COL18A1: variants seen among roughly 807,000 people sequenced by gnomAD.
COL18A1 encodes the protein collagen alpha-1(XVIII) chain.
A neutral mutation model predicts 168.0 loss-of-function variants in COL18A1; 133 were observed. The observed-to-expected ratio is 0.79, with a 90% confidence interval of 0.69 to 0.91. The LOEUF (loss-of-function observed/expected upper bound fraction) is 0.91. Ranked by LOEUF, COL18A1 falls within the 40% of genes least tolerant of loss-of-function variation. COL18A1 has a pLI of 0.00. For synonymous variants in COL18A1, 949 were observed against 809.0 expected, an observed-to-expected ratio of 1.17 and a Z score of -2.94; for missense variants, 2,126 against 1,925.4, an observed-to-expected ratio of 1.10 and a Z score of -1.95.
At chr21:45,489,694 GCAGGGCACCCAACCC>G (rs1281585379) in intron 19 of COL18A1, among the ~76,000 whole-genome samples, 173 bp downstream of exon 19, 2 of 151,854 alleles carry the variant, frequency 1.3e-5, no homozygotes, top group African/African-American at 2.4e-5. Flanking sequence ...ATACCCACCT[GCAGGGCACCCAACCC>G]CAGGGCACCC....
intron 37 of COL18A1, 51 bp downstream of exon 37, chr21:45,506,017 C>G: frequency 6.2e-7 from 1 of 1,611,856 alleles, no homozygotes; most frequent in East Asian, 2.2e-5. Flanking sequence ...CCGAAGCCGC[C>G]TCCTGGGGCT....
At position 45,455,907 on chromosome 21, in the gene COL18A1, A is replaced by G. The variant is rs1355040969; in HGVS notation, c.107-12335A>G. On this transcript the variant is annotated intron_variant, in intron 2 of 41. Coordinates refer to ENST00000651438, the MANE Select transcript of COL18A1 (RefSeq NM_001379500.1). ...GCCAAAGGCATCCGGAGCTTCGTCC[A>G]GCTGTGGAATGACACTGTCCCCACT... The G allele has an allele frequency of 6.2e-7, 1 of 1,613,044 alleles. No individual in the cohort carries two copies. The highest frequency in any genetic ancestry group is 1.1e-5 in the South Asian group (1 of 91,086).
At position 45,468,376 on chromosome 21, in the gene COL18A1, C is replaced by G. The variant is rs76658745; in HGVS notation, c.241C>G (p.Arg81Gly). The change falls in exon 3 of 42, where the codon CGG becomes GGG. Residue 81 changes from arginine to glycine, a missense_variant. By Grantham distance (125) the Arg-to-Gly change is moderately radical. Transcript: ENST00000651438. Reference protein sequence around the residue: ...GPDANSGQVARYHFPSLFFRD... With the variant: ...GPDANSGQVAGYHFPSLFFRD... The stretch of plus-strand genomic sequence containing the variant: ...AGATGCCAACAGTGGCCAAGTGGCC[C>G]GGTACCACTTCCCCAGCCTCTTCTT... 1.9e-6 allele frequency: 3 copies of G among 1,613,832 alleles called. No individual in the cohort carries two copies. In the East Asian group the frequency reaches 6.7e-5, roughly 36 times the overall value.
chr21:45,426,324 C>T (rs1354061155), intron 2 of COL18A1, among the ~76,000 whole-genome samples: 1 of 152,108 alleles, frequency 6.6e-6, no homozygotes, highest in African/African-American at 2.4e-5. Context: ...AGGCTGGTCT[C>T]GAACTCCTGA....
chr21:45,497,913 C>T (rs1568930560), intron 32 of COL18A1: 2 of 608,806 alleles, frequency 3.3e-6, no homozygotes, highest in Non-Finnish European at 5.8e-6. Flanking sequence ...CAGATGGCTG[C>T]CCTTCCATGC....
At chr21:45,412,540 C>T (rs1325895248) in intron 2 of COL18A1, among the ~76,000 whole-genome samples, 1 of 152,190 alleles carries the variant, frequency 6.6e-6, no homozygotes, top group African/African-American at 2.4e-5. Flanking sequence ...CTGTGCCCAG[C>T]CATGGGGTAT....
Position 45,409,260 on chromosome 21 carries a change from G to A in COL18A1, c.106+3787G>A, listed in dbSNP as rs1012802405. Among the ~76,000 whole-genome samples the A allele has an allele frequency of 6.6e-5, 10 of 152,322 alleles. No homozygotes were observed. The East Asian group carries it at 9.6e-4, about 15-fold the overall frequency. ...CAGCGGCTGGCCAGTGGCAGACGGC[G>A]CAGGGTCTGAGACAGATATTCCCTC... On this transcript the variant is annotated intron_variant, in intron 2 of 41. Coordinates refer to ENST00000651438, the MANE Select transcript of COL18A1 (RefSeq NM_001379500.1).
chr21:45,444,822 T>G (rs17004774), intron 2 of COL18A1, among the ~76,000 whole-genome samples: 2,967 of 152,244 alleles, frequency 0.019, 95 homozygotes, highest in African/African-American at 0.067. Context: ...AAAAATGAGT[T>G]TGAAAGCACA....
chr21:45,428,192 T>C (rs2033861647), intron 2 of COL18A1, among the ~76,000 whole-genome samples: 1 of 152,246 alleles, frequency 6.6e-6, no homozygotes, highest in Middle Eastern at 3.4e-3. Flanking sequence ...GCCTGGGGGC[T>C]CTCAGAGTTT....
At chr21:45,427,443 C>T (rs1401228595) in intron 2 of COL18A1, among the ~76,000 whole-genome samples, 1 of 152,200 alleles carries the variant, frequency 6.6e-6, no homozygotes, top group Non-Finnish European at 1.5e-5. Flanking sequence ...TGCCTCAGGC[C>T]TCTTGACCCG....
chr21:45,506,971 T>G, intron 37 of COL18A1: 1 of 269,402 alleles, frequency 3.7e-6, no homozygotes, highest in South Asian at 3.6e-5. Flanking sequence ...CAGGTGTGCT[T>G]GTAGGCACCC....
chr21:45,499,183 G>A (rs550751200), intron 32 of COL18A1, among the ~76,000 whole-genome samples: 15 of 152,308 alleles, frequency 9.8e-5, no homozygotes, highest in Non-Finnish European at 1.5e-4. Context: ...TGTAGACTCC[G>A]ACAGCCAGTG....
chr21:45,498,126 C>T lies in COL18A1; in HGVS notation c.2683+465C>T, dbSNP rs891990800. ...TGCTCCCCCAAAGGACAAGAATTCC[C>T]CCCTGAGCCCCACCTCCATTGAGGG... On this transcript the variant is annotated intron_variant, in intron 32 of 41. Coordinates refer to ENST00000651438, the MANE Select transcript of COL18A1 (RefSeq NM_001379500.1). The surrounding 1 kb of genome is among the most constrained non-coding windows in gnomAD (Gnocchi z 4.5). The T allele has an allele frequency of 3.1e-6, 2 of 636,074 alleles. No homozygotes were observed. The highest frequency in any genetic ancestry group is 3.6e-5 in the African/African-American group (2 of 54,838). 39.4% of individuals were successfully genotyped at this position (636,074 alleles called of 1,614,324 possible). A position where few individuals can be genotyped will look rare whatever the true frequency, so the allele number is the denominator to read the frequency against.
intron 2 of COL18A1, among the ~76,000 whole-genome samples, chr21:45,444,938 A>T (rs1470187371): frequency 6.6e-6 from 1 of 152,226 alleles, no homozygotes; most frequent in Non-Finnish European, 1.5e-5. Flanking sequence ...CGTGGTTTGG[A>T]AAATGTGATG....
chr21:45,475,473 C>A lies in COL18A1; in HGVS notation c.739-3C>A, dbSNP rs769274617. On this transcript the variant is annotated splice_region_variant and splice_polypyrimidine_tract_variant and intron_variant, in intron 4 of 41. Coordinates refer to ENST00000651438, the MANE Select transcript of COL18A1 (RefSeq NM_001379500.1). ...CCAGCCTTTCCCTTTTCAAACTCCTCAGGCATCCGGAGACTCTGGCAGCGG... is the reference window on the plus strand; with the variant it reads ...CCAGCCTTTCCCTTTTCAAACTCCTAAGGCATCCGGAGACTCTGGCAGCGG... 6.3e-7 allele frequency: 1 copy of A among 1,599,968 alleles called. No individual in the cohort carries two copies. Among genetic ancestry groups the A allele is most frequent in the Non-Finnish European group, 8.5e-7 (1 of 1,174,988 alleles).
chr21:45,461,242 C>G (rs1231120139), intron 2 of COL18A1, among the ~76,000 whole-genome samples: 1 of 152,112 alleles, frequency 6.6e-6, no homozygotes. Flanking sequence ...CGGCTGTGCC[C>G]TGTTAGCATT....
At chr21:45,437,651 T>C (rs1246095013) in intron 2 of COL18A1, among the ~76,000 whole-genome samples, 1 of 28,034 alleles carries the variant, frequency 3.6e-5, no homozygotes, top group Non-Finnish European at 5.9e-5. Context: ...GGCACTCTCC[T>C]GCACACACAC....
intron 27 of COL18A1, 132 bp downstream of exon 27, chr21:45,494,703 G>T: frequency 7.0e-7 from 1 of 1,433,802 alleles, no homozygotes; most frequent in East Asian, 2.3e-5. Context: ...TAAAGCGTGT[G>T]GGGCAGGTGT....
chr21:45,497,675 G>A lies in COL18A1; in HGVS notation c.2683+14G>A, dbSNP rs2146015704. On this transcript the variant is annotated intron_variant, in intron 32 of 41. Transcript: ENST00000651438. ...CCGGACCACCAGGTGAGCAACTCTG[G>A]ACATCCCAGGCAGGAGAGCCATGGC... is the stretch of plus-strand genomic sequence containing the variant. 2.6e-6 allele frequency: 4 copies of A among 1,561,362 alleles called. No individual in the cohort carries two copies. The highest frequency in any genetic ancestry group is 3.5e-6 in the Non-Finnish European group (4 of 1,153,242).
Sources: allele counts gnomAD v4.1 joint callset (sites outside exome capture counted in the v4.1 genomes callset), GRCh38; gene constraint gnomAD v4.1.1; non-coding constraint Gnocchi (gnomAD v3.1); transcripts MANE v1.5; gene names NCBI Gene and HGNC (gene_info 2026-07-23, HGNC 2026-07-21).